Variants in TPD52 observed in about 807,000 individuals in gnomAD.
TPD52 encodes the protein tumor protein D52.
Under a neutral mutation model 31.3 loss-of-function variants are expected in TPD52, and 17 were observed. That is an observed-to-expected ratio of 0.54 (90% CI 0.37 to 0.82). The LOEUF is 0.82. Among genes scored for constraint, TPD52 ranks in the 40% least tolerant of loss-of-function variants. TPD52 has a pLI of 0.00. For missense variants in TPD52, 212 were observed against 240.1 expected, an observed-to-expected ratio of 0.88 and a Z score of 0.77; for synonymous variants, 83 against 89.6, an observed-to-expected ratio of 0.93 and a Z score of 0.42.
intron 1 of TPD52, among the ~76,000 whole-genome samples, chr8:80,096,896 A>T (rs1816782976): frequency 6.6e-6 from 1 of 152,232 alleles, no homozygotes; most frequent in Non-Finnish European, 1.5e-5. Flanking sequence ...AGAGTAGCAC[A>T]TCTTTCACTT....
chr8:80,144,974 T>C (rs991512534), intron 1 of TPD52, among the ~76,000 whole-genome samples: 5 of 152,302 alleles, frequency 3.3e-5, no homozygotes, highest in African/African-American at 1.2e-4. Context: ...AAGATTATAA[T>C]GAGTTACTCT....
chr8:80,115,991 A>G (rs1364863294), intron 1 of TPD52, among the ~76,000 whole-genome samples: 1 of 152,244 alleles, frequency 6.6e-6, no homozygotes, highest in African/African-American at 2.4e-5. Context: ...AAAGAAGTAA[A>G]GGATATCATA....
At chr8:80,113,691 G>A (rs1189922427) in intron 1 of TPD52, among the ~76,000 whole-genome samples, 3 of 152,128 alleles carry the variant, frequency 2.0e-5, no homozygotes, top group African/African-American at 7.2e-5. Flanking sequence ...GAAAGCACCT[G>A]CTCTCATTCA....
chr8:80,134,986 A>T (rs1942984196), intron 1 of TPD52, among the ~76,000 whole-genome samples: 1 of 152,206 alleles, frequency 6.6e-6, no homozygotes, highest in South Asian at 2.1e-4. Context: ...CAACATGAAG[A>T]AGCTGACAAG....
At chr8:80,140,950 CGTGTGT>C (rs142097159) in intron 1 of TPD52, among the ~76,000 whole-genome samples, 28 of 143,774 alleles carry the variant, frequency 1.9e-4, no homozygotes, top group East Asian at 4.1e-4. Context: ...CAATACAACT[CGTGTGT>C]GTGTGTGTGT....
intron 1 of TPD52, among the ~76,000 whole-genome samples, chr8:80,086,686 C>T: frequency 6.6e-6 from 1 of 151,638 alleles, no homozygotes; most frequent in South Asian, 2.1e-4. Context: ...CCAGCCTGGC[C>T]AATATGGTGA....
chr8:80,085,575 C>G (rs1815677818), intron 1 of TPD52, among the ~76,000 whole-genome samples: 1 of 151,880 alleles, frequency 6.6e-6, no homozygotes, highest in South Asian at 2.1e-4. Flanking sequence ...GGAAGGGGCT[C>G]CAACTAGCCA....
At chr8:80,118,435 A>T (rs143592863) in intron 1 of TPD52, among the ~76,000 whole-genome samples, 13 of 152,380 alleles carry the variant, frequency 8.5e-5, no homozygotes, top group African/African-American at 2.4e-4. Flanking sequence ...TAAATTGGAC[A>T]TCATCAACAT....
intron 1 of TPD52, among the ~76,000 whole-genome samples, chr8:80,131,917 T>C (rs1430724806): frequency 6.7e-6 from 1 of 149,392 alleles, no homozygotes; most frequent in Non-Finnish European, 1.5e-5. Context: ...GAACTAGGGA[T>C]GCAAACCCAA....
intron 1 of TPD52, among the ~76,000 whole-genome samples, chr8:80,138,937 T>C (rs913271174): frequency 1.3e-5 from 2 of 152,194 alleles, no homozygotes; most frequent in East Asian, 1.9e-4. Context: ...TCCAGGATCA[T>C]GGCAGCCCCT....
intron 1 of TPD52, among the ~76,000 whole-genome samples, chr8:80,153,796 C>A (rs529638869): frequency 6.6e-6 from 1 of 152,344 alleles, no homozygotes; most frequent in South Asian, 2.1e-4. Context: ...GAAAATACAT[C>A]TGCCCAGGGC....
At chr8:80,067,158 A>G (rs950779712) in intron 1 of TPD52, 7 of 152,224 alleles carry the variant, frequency 4.6e-5, no homozygotes, top group African/African-American at 1.7e-4. Context: ...GTTCTATTCA[A>G]GTATGCGGCT....
chr8:80,096,704 C>T (rs999032823), intron 1 of TPD52, among the ~76,000 whole-genome samples: 8 of 152,112 alleles, frequency 5.3e-5, no homozygotes, highest in African/African-American at 1.7e-4. Context: ...ATGCCACAAA[C>T]GACACCCATA....
In TPD52 at chr8:80,054,755, A is replaced by G. The variant is rs563132561; in HGVS notation, c.136-1325T>C. Among the ~76,000 whole-genome samples, 6 of 151,964 alleles carry G rather than the reference A, an allele frequency of 3.9e-5. No homozygotes were observed. The South Asian group carries it at 8.3e-4, about 21-fold the overall frequency. On this transcript the variant is annotated intron_variant, in intron 2 of 7. Transcript: ENST00000518937. ...GATGCAGCTGCCAAGAAAAAAAAAA[A>G]AAGAAGAAAAAGAACCTACAACACC...
At chr8:80,073,991 G>A (rs1464057535) in intron 1 of TPD52, among the ~76,000 whole-genome samples, 2 of 152,134 alleles carry the variant, frequency 1.3e-5, no homozygotes, top group Non-Finnish European at 2.9e-5. Flanking sequence ...AATTCAACTA[G>A]GAGGGAAAAA....
At chr8:80,069,781 C>T (rs938226879) in intron 1 of TPD52, among the ~76,000 whole-genome samples, 1 of 152,028 alleles carries the variant, frequency 6.6e-6, no homozygotes, top group African/African-American at 2.4e-5. Context: ...AAATACAACA[C>T]TTCAAGACTT....
At chr8:80,086,695 G>A (rs1451208774) in intron 1 of TPD52, among the ~76,000 whole-genome samples, 2 of 151,782 alleles carry the variant, frequency 1.3e-5, no homozygotes, top group South Asian at 2.1e-4. Flanking sequence ...CCAATATGGT[G>A]AATCCCCGTC....
intron 1 of TPD52, among the ~76,000 whole-genome samples, chr8:80,164,203 G>GA (rs530010862): frequency 1.1e-4 from 17 of 149,968 alleles, no homozygotes; most frequent in South Asian, 2.1e-4. Context: ...AAAACTGACA[G>GA]AAAAAAAAAT....
intron 1 of TPD52, among the ~76,000 whole-genome samples, chr8:80,163,925 AC>A (rs1486853860): frequency 6.6e-6 from 1 of 152,112 alleles, no homozygotes; most frequent in Non-Finnish European, 1.5e-5. Context: ...AAAACAAAAA[AC>A]AAAACTGTTA....
Sources: allele counts gnomAD v4.1 joint callset (sites outside exome capture counted in the v4.1 genomes callset), GRCh38; gene constraint gnomAD v4.1.1; transcripts MANE v1.5; gene names NCBI Gene and HGNC (gene_info 2026-07-23, HGNC 2026-07-21).